Variants in FMN2 observed in about 807,000 individuals in gnomAD.
The protein encoded by FMN2 is formin-2.
A neutral mutation model predicts 142.3 loss-of-function variants in FMN2; 51 were observed. The ratio of observed to expected loss-of-function variants is 0.36; its 90% CI spans 0.29 to 0.45. The LOEUF is 0.45. Ranked by LOEUF, FMN2 falls within the 20% of genes least tolerant of loss-of-function variation. The probability of loss-of-function intolerance (pLI) is 1.00; values close to 1 mark genes in which losing one functional copy is unlikely to be tolerated. For missense variants in FMN2, 1,936 were observed against 2,122.8 expected (o/e 0.91, Z 1.73); for synonymous variants, 882 against 869.8 (o/e 1.01, Z -0.25).
intron 15 of FMN2, among the ~76,000 whole-genome samples, chr1:240,414,716 G>A (rs1674520820): frequency 6.6e-6 from 1 of 152,130 alleles, no homozygotes; most frequent in African/African-American, 2.4e-5. Context: ...TTATTTACAA[G>A]TATATGTGTT....
At chr1:240,302,652 C>T (rs1177797862) in intron 8 of FMN2, among the ~76,000 whole-genome samples, 4 of 151,936 alleles carry the variant, frequency 2.6e-5, no homozygotes, top group Non-Finnish European at 4.4e-5. Flanking sequence ...AAGCAATTTG[C>T]AATATCTAAT....
chr1:240,160,499 A>G (rs543772634), intron 2 of FMN2, among the ~76,000 whole-genome samples: 1 of 149,524 alleles, frequency 6.7e-6, no homozygotes, highest in African/African-American at 2.4e-5. Flanking sequence ...ATATATGTAT[A>G]TAATGTGTAT....
chr1:240,274,239 G>T (rs187822185), intron 7 of FMN2, among the ~76,000 whole-genome samples: 162 of 150,670 alleles, frequency 1.1e-3, no homozygotes, highest in African/African-American at 3.9e-3. Context: ...AAAAAAAAGA[G>T]AGAGTGGAAA....
At chr1:240,146,816 C>T (rs1432212411) in intron 2 of FMN2, among the ~76,000 whole-genome samples, 1 of 152,202 alleles carries the variant, frequency 6.6e-6, no homozygotes, top group Admixed American at 6.5e-5. Context: ...AATAAGTGAA[C>T]ACCAATCTAG....
rs769895830 is a variant in FMN2, at chr1:240,207,119, C to G, written c.2307C>G (p.Cys769Trp). ...ATGGGCTGCCAGGGCGTCCTCCATG[C>G]CCCCCTGGGGCTGAAAGTGGACCTC... ...PVDGLPGRPP[C>W]PPGAESGPQT... Residue 769 changes from cysteine (C) to tryptophan (W), a missense_variant, in exon 5 of 18, where the codon TGC (cysteine) becomes TGG (tryptophan). By Grantham distance (215) the Cys-to-Trp change is radical. Around this residue, in one of 8 missense-constraint regions of FMN2, gnomAD observed 478 missense variants for 462.8 expected, o/e 1.03. Coordinates refer to ENST00000319653, the MANE Select transcript of FMN2 (RefSeq NM_020066.5). 2.3e-5 allele frequency: 37 copies of G among 1,613,916 alleles called. No individual in the cohort carries two copies. Among genetic ancestry groups the G allele is most frequent in the Non-Finnish European group, 3.0e-5 (35 of 1,179,978 alleles).
chr1:240,353,222 G>C (rs1672155443), intron 13 of FMN2, among the ~76,000 whole-genome samples: 1 of 152,178 alleles, frequency 6.6e-6, no homozygotes, highest in East Asian at 1.9e-4. Context: ...AATAGCTACT[G>C]TTTTTTGTGC....
intron 8 of FMN2, among the ~76,000 whole-genome samples, chr1:240,323,017 G>A (rs888066248): frequency 4.6e-5 from 7 of 151,434 alleles, no homozygotes; most frequent in Non-Finnish European, 8.8e-5. Context: ...TTTATTTTCC[G>A]TGGCTGGTTC....
At chr1:240,414,449 G>A (rs570893114) in intron 15 of FMN2, among the ~76,000 whole-genome samples, 1 of 152,216 alleles carries the variant, frequency 6.6e-6, no homozygotes, top group Non-Finnish European at 1.5e-5. Flanking sequence ...TGAATGCTTT[G>A]TGAGTAATAG....
At chr1:240,303,821 G>A (rs774259732) in intron 8 of FMN2, among the ~76,000 whole-genome samples, 4 of 151,768 alleles carry the variant, frequency 2.6e-5, no homozygotes, top group Admixed American at 6.6e-5. Context: ...GGTGTTTCAC[G>A]GCTTCCTGAG....
chr1:240,115,012 A>AC (rs1217493175), intron 1 of FMN2, among the ~76,000 whole-genome samples: 1 of 152,168 alleles, frequency 6.6e-6, no homozygotes, highest in Non-Finnish European at 1.5e-5. Context: ...TGAAGACTTT[A>AC]TTCACTAGGT....
At chr1:240,465,043 A>G (rs754017283) in intron 16 of FMN2, among the ~76,000 whole-genome samples, 4 of 152,110 alleles carry the variant, frequency 2.6e-5, no homozygotes, top group Non-Finnish European at 5.9e-5. Flanking sequence ...TGTTTCCAGT[A>G]TATCTCAGGG....
chr1:240,437,649 G>T (rs1356191303), intron 15 of FMN2, among the ~76,000 whole-genome samples: 1 of 152,090 alleles, frequency 6.6e-6, no homozygotes, highest in African/African-American at 2.4e-5. Flanking sequence ...GGCAAATAGT[G>T]TATAAGCAAT....
chr1:240,191,945 T>G (rs902303530), intron 4 of FMN2, among the ~76,000 whole-genome samples: 5 of 152,176 alleles, frequency 3.3e-5, no homozygotes, highest in African/African-American at 9.7e-5. Context: ...TTATCATTTA[T>G]CAATAGTCAC....
chr1:240,382,715 G>A (rs1159048107), intron 14 of FMN2, among the ~76,000 whole-genome samples: 1 of 151,872 alleles, frequency 6.6e-6, no homozygotes, highest in Non-Finnish European at 1.5e-5. Context: ...AATTGCAGAA[G>A]TGCAATTCCT....
At chr1:240,241,829 T>C (rs1245982501) in intron 6 of FMN2, among the ~76,000 whole-genome samples, 5 of 49,918 alleles carry the variant, frequency 1.0e-4, no homozygotes, top group South Asian at 6.2e-4. Flanking sequence ...GCCTTGCTTT[T>C]TTTTTTTTTT....
Position 240,207,462 on chromosome 1 carries a change from C to G in FMN2, c.2650C>G (p.Pro884Ala). Residue 884 changes from proline to alanine, a missense_variant, in exon 5 of 18, where the codon CCT becomes GCT. Physicochemically the swap from Pro to Ala is conservative, Grantham distance 27. Transcript: ENST00000319653. ...GGTGCCTCCCCCACCTCCCCCTCTC[C>G]CTGGCATGACAGTGCCTACTCTGCC... ...GMVPPPPPPL[P>A]GMTVPTLPST... 1 of 1,613,568 alleles carries G rather than the reference C, an allele frequency of 6.2e-7. No individual in the cohort carries two copies. The highest frequency in any genetic ancestry group is 8.5e-7 in the Non-Finnish European group (1 of 1,179,764).
chr1:240,383,604 T>C (rs897201738), intron 14 of FMN2, among the ~76,000 whole-genome samples: 1 of 152,096 alleles, frequency 6.6e-6, no homozygotes, highest in Non-Finnish European at 1.5e-5. Flanking sequence ...GAGGTAGACA[T>C]GGATGTGCAG....
Position 240,473,956 on chromosome 1 carries a change from A to G in FMN2, c.5143-172A>G, listed in dbSNP as rs2103252627. Among the ~76,000 whole-genome samples the G allele has an allele frequency of 7.3e-6, 1 of 136,914 alleles. No individual in the cohort carries two copies. The highest frequency in any genetic ancestry group is 2.5e-5 in the African/African-American group (1 of 40,602). The allele number at this position is 136,914 out of a possible 152,430, so 89.8% of individuals were successfully genotyped here. On this transcript the variant is annotated intron_variant, in intron 17 of 17. Transcript: ENST00000319653. This position sits in a 1 kb window ranked among gnomAD's most constrained non-coding sequence, Gnocchi z 4.3. Reference sequence around the variant, plus strand: ...CGATTTGTCTTGATAAAAGTGCTCAAAGATAACACAGATCCCACTTATACT... The same window carrying G: ...CGATTTGTCTTGATAAAAGTGCTCAGAGATAACACAGATCCCACTTATACT...
At chr1:240,436,836 A>G (rs1475566353) in intron 15 of FMN2, among the ~76,000 whole-genome samples, 2 of 152,250 alleles carry the variant, frequency 1.3e-5, no homozygotes, top group Non-Finnish European at 2.9e-5. Flanking sequence ...GTCACTGAGC[A>G]AAATCAAGTT....
Sources: allele counts gnomAD v4.1 joint callset (sites outside exome capture counted in the v4.1 genomes callset), GRCh38; gene constraint gnomAD v4.1.1; regional missense constraint gnomAD v4.1.1; non-coding constraint Gnocchi (gnomAD v3.1); transcripts MANE v1.5; gene names NCBI Gene and HGNC (gene_info 2026-07-23, HGNC 2026-07-21).